The following TEX9 variants were observed in gnomAD, a reference collection of about 807,000 sequenced individuals.
TEX9 encodes the protein testis-expressed protein 9.
In TEX9, 74 loss-of-function variants were observed where a neutral mutation model predicts 59.6. That is an observed-to-expected ratio of 1.24 (90% CI 1.03 to 1.51). The LOEUF (loss-of-function observed/expected upper bound fraction) is 1.51, where lower values mean the gene tolerates loss of function less well. TEX9 is among the 40% of genes most tolerant of loss of function. TEX9 has a pLI of 0.00. For missense variants in TEX9, 522 were observed against 447.8 expected, an observed-to-expected ratio of 1.17 and a Z score of -1.49; for synonymous variants, 186 against 152.2, an observed-to-expected ratio of 1.22 and a Z score of -1.64.
At chr15:56,404,012 C>A (rs2142531227) in intron 9 of TEX9, among the ~76,000 whole-genome samples, 1 of 152,224 alleles carries the variant, frequency 6.6e-6, no homozygotes, top group African/African-American at 2.4e-5. Context: ...AATGTTAGAC[C>A]TAAAACCATA....
At chr15:56,458,538 A>G in the TEX9 span, among the ~76,000 whole-genome samples, 3 of 150,322 alleles carry the variant, frequency 2.0e-5, no homozygotes, top group Non-Finnish European at 4.4e-5. Context: ...GGTTTTGGCA[A>G]TGCATAATCA....
At chr15:56,454,342 A>G in the TEX9 span, among the ~76,000 whole-genome samples, 1 of 146,046 alleles carries the variant, frequency 6.8e-6, no homozygotes, top group Non-Finnish European at 1.5e-5. Flanking sequence ...AGCATTTATC[A>G]TTTGTGTTAC....
At chr15:56,374,653 T>C (rs945165666) in intron 3 of TEX9, 1 of 152,176 alleles carries the variant, frequency 6.6e-6, no homozygotes, top group Non-Finnish European at 1.5e-5. Context: ...TTTCTGACTA[T>C]ATATTTTTTT....
At chr15:56,255,792 CTT>C (rs1266618528) in intron 1 of TEX9, among the ~76,000 whole-genome samples, 1 of 151,876 alleles carries the variant, frequency 6.6e-6, no homozygotes. Context: ...TTTTAGAAGA[CTT>C]TAACACACAT....
chr15:56,443,950 G>T, intron 12 of TEX9: 1 of 968,930 alleles, frequency 1.0e-6, no homozygotes, highest in Non-Finnish European at 1.5e-6. Flanking sequence ...AAACACTATA[G>T]TTTTTTCATT....
intron 1 of TEX9, among the ~76,000 whole-genome samples, chr15:56,356,397 T>C (rs1190516760): frequency 6.6e-6 from 1 of 152,134 alleles, no homozygotes; most frequent in Non-Finnish European, 1.5e-5. Flanking sequence ...GACCTTTAGA[T>C]AAATTATTTA....
chr15:56,272,929 TATTTA>T (rs1480282035), intron 1 of TEX9, among the ~76,000 whole-genome samples: 65 of 122,014 alleles, frequency 5.3e-4, no homozygotes, highest in Non-Finnish European at 3.6e-4. Flanking sequence ...TTTATTTATT[TATTTA>T]TTTATTTTTT....
intron 7 of TEX9, 119 bp from the exon 8 acceptor site, chr15:56,394,046 T>A (rs1304213019): frequency 3.7e-5 from 30 of 818,142 alleles, no homozygotes; most frequent in Admixed American, 8.2e-5. Context: ...CTAACAGATA[T>A]CTCCTATTTG....
At chr15:56,437,955 G>A (rs1474546284) in intron 12 of TEX9, among the ~76,000 whole-genome samples, 3 of 152,148 alleles carry the variant, frequency 2.0e-5, no homozygotes, top group Non-Finnish European at 4.4e-5. Context: ...ACTGCTCAAC[G>A]AAATAAAAGA....
chr15:56,408,458 C>G (rs1475850304), intron 9 of TEX9: 1 of 152,204 alleles, frequency 6.6e-6, no homozygotes, highest in Admixed American at 6.5e-5. Context: ...CTGTCTATAT[C>G]TAATCCTTAG....
chr15:56,357,465 A>G (rs1214760460), intron 1 of TEX9, among the ~76,000 whole-genome samples: 1 of 152,072 alleles, frequency 6.6e-6, no homozygotes, highest in African/African-American at 2.4e-5. Context: ...TTGAACTTAC[A>G]TATTTGTATC....
chr15:56,415,224 A>AAG lies in TEX9; in HGVS notation c.963+2789_963+2790dup, dbSNP rs2049613667. 1.3e-5 allele frequency among the ~76,000 whole-genome samples: 2 copies of AAG among 151,810 alleles called. 1 individual carries two copies. Among genetic ancestry groups the AAG allele is most frequent in the African/African-American group, 4.9e-5 (2 of 41,156 alleles). The stretch of plus-strand genomic sequence containing the variant: ...GCCGATCATTTATTTTTCTGTGCAG[A>AAG]AGCTCTTTAGTTTAAGTAGATCCCA... On this transcript the variant is annotated intron_variant, in intron 10 of 12. Transcript: ENST00000352903.
rs536138449 is a variant in TEX9 at position 56,359,696 on chromosome 15, A to G, written c.-106-13745A>G. On this transcript the variant is annotated intron_variant, in intron 1 of 5. Coordinates refer to the TEX9 transcript ENST00000560827. Reference sequence around the variant, plus strand: ...TTATAGACATTCATGTCATCTATACACAAAGATGGTTTATTTCTTCCTTCC... The same window carrying G: ...TTATAGACATTCATGTCATCTATACGCAAAGATGGTTTATTTCTTCCTTCC... 7.9e-5 allele frequency among the ~76,000 whole-genome samples: 12 copies of G among 152,238 alleles called. No homozygotes were observed. The South Asian group carries it at 1.7e-3, about 21-fold the overall frequency.
intron 1 of TEX9, among the ~76,000 whole-genome samples, chr15:56,269,872 G>A (rs2044483809): frequency 6.6e-6 from 1 of 151,992 alleles, no homozygotes; most frequent in Non-Finnish European, 1.5e-5. Context: ...TAGCCAGGAT[G>A]GTCTCAAACT....
chr15:56,414,887 A>G (rs1355895890), intron 10 of TEX9, among the ~76,000 whole-genome samples: 1 of 151,568 alleles, frequency 6.6e-6, no homozygotes, highest in Non-Finnish European at 1.5e-5. Context: ...TTTCTCTGCA[A>G]CCTCACCAGA....
In TEX9 at chr15:56,388,319, C is replaced by T. The variant is rs530729009; in HGVS notation, c.264-153C>T. 3.5e-3 allele frequency among the ~76,000 whole-genome samples: 538 copies of T among 152,124 alleles called. 5 individuals carry two copies. Among genetic ancestry groups the T allele is most frequent in the African/African-American group, 0.012 (515 of 41,536 alleles). Reference sequence around the variant, plus strand: ...AAGCATTTTTCTTGTTTATGGTACTCATTCAAAATAAATTAACATGTGGGT... The same window carrying T: ...AAGCATTTTTCTTGTTTATGGTACTTATTCAAAATAAATTAACATGTGGGT... On this transcript the variant is annotated intron_variant, in intron 4 of 12. Coordinates refer to ENST00000352903, the Ensembl canonical transcript of TEX9.
chr15:56,269,341 G>A (rs62045714), intron 1 of TEX9, among the ~76,000 whole-genome samples: 37 of 151,800 alleles, frequency 2.4e-4, no homozygotes, highest in African/African-American at 8.0e-4. Context: ...CTCTGATCTT[G>A]GTTATTTCTT....
At chr15:56,431,314 C>A in intron 12 of TEX9, 1 of 1,573,012 alleles carries the variant, frequency 6.4e-7, no homozygotes, top group Non-Finnish European at 8.6e-7. Flanking sequence ...ATCCAAATAC[C>A]ATGTTTTTTT....
At position 56,426,091 on chromosome 15, in the gene TEX9, A is replaced by G. The variant is rs551784623; in HGVS notation, c.964-1514A>G. On this transcript the variant is annotated intron_variant, in intron 10 of 12. Transcript: ENST00000352903. ...CCACCAGGTTCCTGCAGTTCTGTGG[A>G]CTCACTACACCTCTCACATTCAGTG... 2.0e-5 allele frequency among the ~76,000 whole-genome samples: 3 copies of G among 152,140 alleles called. 1 individual carries two copies. Among genetic ancestry groups the G allele is most frequent in the African/African-American group, 7.2e-5 (3 of 41,512 alleles).
Sources: gnomAD v4.1 joint callset for allele counts (sites outside exome capture counted in the v4.1 genomes callset) on GRCh38, gnomAD v4.1.1 for gene constraint, MANE v1.5 for transcripts, NCBI Gene and HGNC (gene_info 2026-07-23, HGNC 2026-07-21) for gene names.